PTPRT: variants seen among roughly 807,000 people sequenced by gnomAD.
PTPRT encodes the protein receptor-type tyrosine-protein phosphatase T.
In PTPRT, 56 loss-of-function variants were observed where a neutral mutation model predicts 176.8. That is an observed-to-expected ratio of 0.32 (90% confidence interval 0.26 to 0.40). The LOEUF (loss-of-function observed/expected upper bound fraction) is 0.40. PTPRT is among the 10% of genes least tolerant of loss of function. The pLI, the probability that PTPRT is intolerant of heterozygous loss-of-function variation, is 1.00. For synonymous variants in PTPRT, 783 were observed against 739.0 expected (o/e 1.06, Z -0.96); for missense variants, 1,540 against 1,908.2 (o/e 0.81, Z 3.60).
the PTPRT span, among the ~76,000 whole-genome samples, chr20:42,056,837 A>T: frequency 6.6e-6 from 1 of 152,232 alleles, no homozygotes; most frequent in Admixed American, 6.5e-5. Context: ...GGTCACCTGA[A>T]GTAATGCCTA....
At chr20:42,180,011 A>G (rs1990449023) in intron 16 of PTPRT, among the ~76,000 whole-genome samples, 1 of 152,192 alleles carries the variant, frequency 6.6e-6, no homozygotes. Context: ...GGCTCCGGGA[A>G]GATTCCTGCA....
chr20:43,124,777 A>T (rs2013381413), intron 1 of PTPRT, among the ~76,000 whole-genome samples: 1 of 152,246 alleles, frequency 6.6e-6, no homozygotes, highest in Non-Finnish European at 1.5e-5. Flanking sequence ...AATGAACCAT[A>T]AACAATACAT....
At chr20:42,146,255 A>C (rs1217339619) in intron 17 of PTPRT, among the ~76,000 whole-genome samples, 3 of 152,170 alleles carry the variant, frequency 2.0e-5, no homozygotes, top group African/African-American at 7.2e-5. Context: ...CTGGATGTCA[A>C]AGCTGATCTA....
At chr20:42,712,402 A>G (rs1306011986) in intron 6 of PTPRT, among the ~76,000 whole-genome samples, 1 of 152,162 alleles carries the variant, frequency 6.6e-6, no homozygotes, top group Non-Finnish European at 1.5e-5. Context: ...GGGTACTAAG[A>G]GACAGGTTCT....
intron 1 of PTPRT, among the ~76,000 whole-genome samples, chr20:43,040,433 A>C (rs1348076977): frequency 6.6e-6 from 1 of 152,256 alleles, no homozygotes; most frequent in African/African-American, 2.4e-5. Flanking sequence ...TTCACTATAT[A>C]TACTTATAAA....
chr20:42,780,251 C>T lies in PTPRT; in HGVS notation c.535G>A (p.Val179Met), dbSNP rs547641233. ...SLKGHPGYIA[V>M]DEVRVLAHPC... ...TGAGCAAGGACCCGGACCTCGTCCACGGCGATGTAGCCAGGATGACCCTTC... is the reference window on the plus strand; with the variant it reads ...TGAGCAAGGACCCGGACCTCGTCCATGGCGATGTAGCCAGGATGACCCTTC... Residue 179 changes from valine (V) to methionine (M), a missense_variant, in exon 4 of 31, where the codon GTG (valine) becomes ATG (methionine). Physicochemically the swap from Val to Met is conservative, Grantham distance 21. Around this residue, in one of 11 missense-constraint regions of PTPRT, gnomAD observed 273 missense variants for 432.1 expected, o/e 0.63. Transcript: ENST00000373187. 4 of 1,614,012 alleles carry T rather than the reference C, an allele frequency of 2.5e-6. No individual in the cohort carries two copies. The highest frequency in any genetic ancestry group is 2.2e-5 in the East Asian group (1 of 44,872).
intron 1 of PTPRT, among the ~76,000 whole-genome samples, chr20:43,166,769 A>C (rs2014869990): frequency 6.6e-6 from 1 of 151,978 alleles, no homozygotes; most frequent in South Asian, 2.1e-4. Flanking sequence ...GGCAGACATC[A>C]GAGTACAATG....
At chr20:43,159,327 C>T (rs2014619194) in intron 1 of PTPRT, among the ~76,000 whole-genome samples, 1 of 152,210 alleles carries the variant, frequency 6.6e-6, no homozygotes, top group South Asian at 2.1e-4. Context: ...TCGGCTGGTG[C>T]ATACTGCAGT....
At chr20:42,357,127 G>T (rs2058368574) in intron 9 of PTPRT, among the ~76,000 whole-genome samples, 1 of 152,064 alleles carries the variant, frequency 6.6e-6, no homozygotes, top group Non-Finnish European at 1.5e-5. Flanking sequence ...TTTTCTACCA[G>T]CCCAGGAGCT....
chr20:42,829,744 A>G (rs1266486341), intron 2 of PTPRT, among the ~76,000 whole-genome samples: 2 of 152,154 alleles, frequency 1.3e-5, no homozygotes, highest in African/African-American at 2.4e-5. Flanking sequence ...AAATAAATCC[A>G]ATTAGAAATG....
intron 2 of PTPRT, among the ~76,000 whole-genome samples, chr20:42,881,218 C>T (rs2079005751): frequency 6.6e-6 from 1 of 152,150 alleles, no homozygotes; most frequent in South Asian, 2.1e-4. Flanking sequence ...ACACTGGTCC[C>T]CAAGATAAAG....
At chr20:42,594,869 G>A (rs758011335) in intron 7 of PTPRT, among the ~76,000 whole-genome samples, 60 of 152,306 alleles carry the variant, frequency 3.9e-4, no homozygotes, top group Admixed American at 7.8e-4. Context: ...AATCAAAGCT[G>A]ACGTCAGTGG....
intron 11 of PTPRT, among the ~76,000 whole-genome samples, chr20:42,329,996 C>T (rs777962590): frequency 7.9e-5 from 12 of 152,104 alleles, no homozygotes; most frequent in Non-Finnish European, 1.3e-4. Flanking sequence ...TCCACATGAA[C>T]GACATGGCAT....
intron 7 of PTPRT, among the ~76,000 whole-genome samples, chr20:42,654,610 T>A (rs2075091466): frequency 6.6e-6 from 1 of 152,206 alleles, no homozygotes; most frequent in Non-Finnish European, 1.5e-5. Context: ...AATACCAGCT[T>A]TGCTGGATAA....
intron 27 of PTPRT, among the ~76,000 whole-genome samples, chr20:42,087,230 T>A (rs555966879): frequency 1.5e-3 from 223 of 150,384 alleles, no homozygotes; most frequent in African/African-American, 4.4e-3. Flanking sequence ...TCATTATAAT[T>A]ATTATTATTA....
chr20:42,472,425 T>G lies in PTPRT; in HGVS notation c.1291A>C (p.Asn431His), dbSNP rs2071214244. 1 of 1,614,240 alleles carries G rather than the reference T, an allele frequency of 6.2e-7. No homozygotes were observed. Among genetic ancestry groups the G allele is most frequent in the Non-Finnish European group, 8.5e-7 (1 of 1,180,036 alleles). Residue 431 changes from asparagine to histidine, a missense_variant, in exon 8 of 31, where the codon AAC becomes CAC. Around this residue, in one of 11 missense-constraint regions of PTPRT, gnomAD observed 79 missense variants for 80.0 expected, o/e 0.99. Transcript: ENST00000373187. ...TCCTCGGCCTCGTACTGCTGCTGGT[T>G]GAACACATACTGGTACTGCACGGTG... is the stretch of plus-strand genomic sequence containing the variant. ...NLTVQYQYVF[N>H]QQQYEAEEVI...
chr20:42,865,741 C>T (rs915671747), intron 2 of PTPRT, among the ~76,000 whole-genome samples: 1 of 152,150 alleles, frequency 6.6e-6, no homozygotes, highest in Non-Finnish European at 1.5e-5. Flanking sequence ...TACAGGGATG[C>T]AAGCAACAGC....
intron 15 of PTPRT, among the ~76,000 whole-genome samples, chr20:42,228,812 T>C (rs2056074374): frequency 6.6e-6 from 1 of 152,174 alleles, no homozygotes; most frequent in Non-Finnish European, 1.5e-5. Flanking sequence ...CACTGGGAAA[T>C]GAATGATGAG....
At chr20:42,281,363 G>A (rs1440862557) in intron 13 of PTPRT, among the ~76,000 whole-genome samples, 1 of 152,122 alleles carries the variant, frequency 6.6e-6, no homozygotes, top group Admixed American at 6.5e-5. Flanking sequence ...TTATCACAGG[G>A]AGCCCTAGTG....
Sources: allele counts gnomAD v4.1 joint callset (sites outside exome capture counted in the v4.1 genomes callset), GRCh38; gene constraint gnomAD v4.1.1; regional missense constraint gnomAD v4.1.1; transcripts MANE v1.5; gene names NCBI Gene and HGNC (gene_info 2026-07-23, HGNC 2026-07-21).